Variants in ESRRG observed in about 807,000 individuals in gnomAD.
ESRRG encodes estrogen-related receptor gamma.
A neutral mutation model predicts 44.0 loss-of-function variants in ESRRG; 13 were observed. The ratio of observed to expected loss-of-function variants is 0.30; its 90% confidence interval spans 0.19 to 0.47. ESRRG has a LOEUF of 0.47. ESRRG is among the 20% of genes least tolerant of loss of function. The probability of loss-of-function intolerance (pLI) is 1.00; values close to 1 mark genes in which losing one functional copy is unlikely to be tolerated. For synonymous variants in ESRRG, 215 were observed against 214.6 expected (o/e 1.00, Z -0.02); for missense variants, 395 against 580.6 (o/e 0.68, Z 3.29).
chr1:216,753,175 T>TACACACACACAGACACACACAC (rs2092190150), intron 2 of ESRRG, among the ~76,000 whole-genome samples: 4 of 148,910 alleles, frequency 2.7e-5, no homozygotes, highest in Non-Finnish European at 4.5e-5. Flanking sequence ...TATATATTGA[T>TACACACACACAGACACACACAC]ACACACACAC....
At chr1:216,898,608 ACT>A (rs1413569663) in intron 2 of ESRRG, among the ~76,000 whole-genome samples, 1 of 152,112 alleles carries the variant, frequency 6.6e-6, no homozygotes, top group Non-Finnish European at 1.5e-5. Context: ...ACAAAGCGAG[ACT>A]CTGTCTCAAA....
chr1:216,974,623 C>A (rs1309759925), intron 1 of ESRRG, among the ~76,000 whole-genome samples: 1 of 152,156 alleles, frequency 6.6e-6, no homozygotes, highest in Admixed American at 6.5e-5. Flanking sequence ...TTTAAAACTT[C>A]TCAGTTTGAA....
chr1:216,702,871 T>G (rs935817890), intron 1 of ESRRG, among the ~76,000 whole-genome samples: 7 of 151,556 alleles, frequency 4.6e-5, no homozygotes, highest in Admixed American at 3.3e-4. Flanking sequence ...AGTATTCTAG[T>G]CCTGTCCATA....
chr1:217,032,259 T>G (rs980562789), intron 1 of ESRRG, among the ~76,000 whole-genome samples: 6 of 152,216 alleles, frequency 3.9e-5, no homozygotes, highest in African/African-American at 1.4e-4. Context: ...CAGTAAGTTC[T>G]CCACTGACCA....
chr1:216,986,685 C>T (rs1010192176), intron 1 of ESRRG, among the ~76,000 whole-genome samples: 18 of 152,140 alleles, frequency 1.2e-4, no homozygotes, highest in Admixed American at 2.0e-4. Flanking sequence ...CAATATCACA[C>T]GACTGTACTC....
At chr1:216,582,715 CA>C (rs1248400004) in intron 3 of ESRRG, among the ~76,000 whole-genome samples, 2 of 152,162 alleles carry the variant, frequency 1.3e-5, no homozygotes, top group Non-Finnish European at 2.9e-5. Context: ...CAGATTACAC[CA>C]AGTTCATCAT....
chr1:216,987,639 A>G (rs1279151472), intron 1 of ESRRG, among the ~76,000 whole-genome samples: 1 of 152,190 alleles, frequency 6.6e-6, no homozygotes, highest in African/African-American at 2.4e-5. Context: ...TGTCTACCCT[A>G]TGAGCTTAAG....
chr1:216,938,598 T>A (rs1328299820), intron 2 of ESRRG, among the ~76,000 whole-genome samples: 1 of 152,214 alleles, frequency 6.6e-6, no homozygotes, highest in Non-Finnish European at 1.5e-5. Context: ...TTTTCCACAC[T>A]GAAGCAGGAG....
At chr1:216,681,330 C>T (rs1364362003) in intron 1 of ESRRG, among the ~76,000 whole-genome samples, 3 of 152,022 alleles carry the variant, frequency 2.0e-5, no homozygotes, top group East Asian at 1.9e-4. Context: ...TTTTAGGGTA[C>T]GTGTGCACAA....
At chr1:216,781,637 C>T (rs1234212557) in intron 2 of ESRRG, among the ~76,000 whole-genome samples, 2 of 152,024 alleles carry the variant, frequency 1.3e-5, no homozygotes, top group Non-Finnish European at 2.9e-5. Context: ...ACACACACCA[C>T]CCCTGGTACC....
At chr1:216,804,906 C>T (rs553232990) in intron 2 of ESRRG, 1 of 152,228 alleles carries the variant, frequency 6.6e-6, no homozygotes, top group East Asian at 1.9e-4. Flanking sequence ...TCAATGAAAG[C>T]CCATAGCATT....
intron 1 of ESRRG, among the ~76,000 whole-genome samples, chr1:216,681,179 G>A (rs1292504065): frequency 6.6e-6 from 1 of 152,136 alleles, no homozygotes; most frequent in Non-Finnish European, 1.5e-5. Context: ...CAGGGAGCAA[G>A]ACCAGCTAAC....
intron 1 of ESRRG, among the ~76,000 whole-genome samples, chr1:217,027,057 G>A (rs1159780475): frequency 6.6e-6 from 1 of 151,976 alleles, no homozygotes; most frequent in Non-Finnish European, 1.5e-5. Context: ...CCCCAAGATT[G>A]GCTGAAATGA....
intron 3 of ESRRG, among the ~76,000 whole-genome samples, chr1:216,629,684 C>T (rs568352040): frequency 3.3e-5 from 5 of 152,184 alleles, no homozygotes; most frequent in East Asian, 3.9e-4. Context: ...AAGTAACTTG[C>T]GCACTGAATA....
intron 1 of ESRRG, among the ~76,000 whole-genome samples, chr1:216,941,856 A>G (rs1387456440): frequency 6.6e-6 from 1 of 151,962 alleles, no homozygotes; most frequent in Non-Finnish European, 1.5e-5. Context: ...TATTTATCTC[A>G]TTTTTTCCCT....
chr1:216,816,567 G>A (rs1021521529), intron 2 of ESRRG, among the ~76,000 whole-genome samples: 6 of 152,140 alleles, frequency 3.9e-5, no homozygotes, highest in East Asian at 1.9e-4. Flanking sequence ...AAACACACCC[G>A]AGTACTTTAA....
intron 5 of ESRRG, among the ~76,000 whole-genome samples, chr1:216,543,876 G>A (rs1182641492): frequency 6.6e-6 from 1 of 152,010 alleles, no homozygotes; most frequent in Non-Finnish European, 1.5e-5. Context: ...GTTCAATAAT[G>A]CTGAAAATGC....
At chr1:216,828,425 CAT>C (rs1392521672) in intron 2 of ESRRG, among the ~76,000 whole-genome samples, 1 of 152,120 alleles carries the variant, frequency 6.6e-6, no homozygotes, top group African/African-American at 2.4e-5. Context: ...GACCAGGTTT[CAT>C]ATGTTACCAC....
At chr1:216,568,392 C>T (rs759895482) in intron 3 of ESRRG, among the ~76,000 whole-genome samples, 9 of 152,118 alleles carry the variant, frequency 5.9e-5, no homozygotes, top group Admixed American at 2.6e-4. Flanking sequence ...ACAAAGAAGC[C>T]GCTATTTGGT....
Sources: allele counts gnomAD v4.1 joint callset (sites outside exome capture counted in the v4.1 genomes callset), GRCh38; gene constraint gnomAD v4.1.1; transcripts MANE v1.5; gene names NCBI Gene and HGNC (gene_info 2026-07-23, HGNC 2026-07-21).